Variants in STK3 observed in about 807,000 individuals in gnomAD.
STK3 encodes serine/threonine-protein kinase 3.
In STK3, 41 loss-of-function variants were observed where a neutral mutation model predicts 58.0. That is an observed-to-expected ratio of 0.71 (90% CI 0.55 to 0.92). STK3 has a LOEUF of 0.92. Among genes scored for constraint, STK3 ranks in the 40% least tolerant of loss-of-function variants. The probability of loss-of-function intolerance (pLI) is 0.00; values close to 1 mark genes in which losing one functional copy is unlikely to be tolerated. For synonymous variants in STK3, 170 were observed against 191.0 expected, an observed-to-expected ratio of 0.89 and a Z score of 0.91; for missense variants, 479 against 602.7, an observed-to-expected ratio of 0.79 and a Z score of 2.15.
intron 6 of STK3, among the ~76,000 whole-genome samples, chr8:98,630,661 A>AAGGAGAAGG (rs1180621568): frequency 1.3e-4 from 20 of 148,892 alleles, no homozygotes; most frequent in African/African-American, 2.7e-4. Flanking sequence ...GGAGAAGGAG[A>AAGGAGAAGG]AGGAGAAGGA....
intron 6 of STK3, among the ~76,000 whole-genome samples, chr8:98,671,489 T>C (rs1293269235): frequency 6.6e-6 from 1 of 152,200 alleles, no homozygotes; most frequent in East Asian, 1.9e-4. Flanking sequence ...TTATATTATA[T>C]GAAAACAAAA....
chr8:98,542,728 T>C (rs16897069), intron 9 of STK3, among the ~76,000 whole-genome samples: 5,538 of 152,292 alleles, frequency 0.036, 110 homozygotes, highest in South Asian at 0.061. Context: ...CAGATGAATA[T>C]TATCCTTTAT....
intron 10 of STK3, among the ~76,000 whole-genome samples, chr8:98,475,987 A>G (rs577163927): frequency 1.3e-5 from 2 of 152,308 alleles, no homozygotes; most frequent in Admixed American, 6.5e-5. Flanking sequence ...TTTAAAGCAA[A>G]CTATTTAGGA....
chr8:98,795,218 C>A (rs1587643876), intron 1 of STK3, among the ~76,000 whole-genome samples: 1 of 143,856 alleles, frequency 7.0e-6, no homozygotes, highest in Non-Finnish European at 1.5e-5. Context: ...AAGGTTGGTT[C>A]AACATATGCA....
At chr8:98,375,378 T>C (rs1817663852) in intron 2 of STK3, among the ~76,000 whole-genome samples, 1 of 152,184 alleles carries the variant, frequency 6.6e-6, no homozygotes, top group Non-Finnish European at 1.5e-5. Flanking sequence ...ACTCTCTGTC[T>C]TCAGAGATGG....
chr8:98,870,515 A>G (rs1219984693), intron 3 of STK3, among the ~76,000 whole-genome samples: 2 of 152,074 alleles, frequency 1.3e-5, no homozygotes, highest in African/African-American at 4.8e-5. Context: ...TTGTTTCCTG[A>G]CTTTTCAATG....
chr8:98,373,738 C>T (rs929132108), intron 2 of STK3, among the ~76,000 whole-genome samples: 1 of 152,140 alleles, frequency 6.6e-6, no homozygotes, highest in East Asian at 1.9e-4. Flanking sequence ...TCTTTTCTTT[C>T]CTTTTTTTTG....
intron 10 of STK3, among the ~76,000 whole-genome samples, chr8:98,521,388 G>A (rs952533631): frequency 1.3e-5 from 2 of 151,644 alleles, no homozygotes; most frequent in East Asian, 1.9e-4. Flanking sequence ...CTTCAATCTA[G>A]TATTTCAGCT....
intron 3 of STK3, among the ~76,000 whole-genome samples, chr8:98,840,629 ACACACACATACGTTTTATATATATT>A (rs1835946066): frequency 8.5e-6 from 1 of 117,946 alleles, no homozygotes; most frequent in Non-Finnish European, 1.8e-5. Context: ...ATATATATAT[ACACACACATACGTTTTATATATATT>A]TATATACACA....
At chr8:98,679,926 T>C (rs1368393751) in intron 6 of STK3, among the ~76,000 whole-genome samples, 4 of 152,224 alleles carry the variant, frequency 2.6e-5, no homozygotes, top group East Asian at 1.9e-4. Flanking sequence ...TCAAAATTTA[T>C]GAATAAAATT....
rs1563599710 is a variant in STK3, at chr8:98,428,282, C to T, written n.483+5845G>A. On this transcript the variant is annotated intron_variant and non_coding_transcript_variant, in intron 3 of 3. Coordinates refer to the STK3 transcript ENST00000517832. This position sits in a 1 kb window ranked among gnomAD's most constrained non-coding sequence, Gnocchi z 6.7. ...TGGCTGAGCTATGTGTCTTCTCCTTCAGCCAGGAGATCGAGTACTGGGGCA... is the reference window on the plus strand; with the variant it reads ...TGGCTGAGCTATGTGTCTTCTCCTTTAGCCAGGAGATCGAGTACTGGGGCA... 6.2e-7 allele frequency: 1 copy of T among 1,614,134 alleles called. No individual in the cohort carries two copies. Among genetic ancestry groups the T allele is most frequent in the Non-Finnish European group, 8.5e-7 (1 of 1,180,032 alleles).
chr8:98,614,707 TG>T (rs1045932238), intron 6 of STK3, among the ~76,000 whole-genome samples: 1 of 152,164 alleles, frequency 6.6e-6, no homozygotes, highest in Non-Finnish European at 1.5e-5. Context: ...TGGATGCACC[TG>T]GAAAATCGGG....
At chr8:98,601,736 C>T (rs192429513) in intron 6 of STK3, 1 of 152,156 alleles carries the variant, frequency 6.6e-6, no homozygotes, top group Non-Finnish European at 1.5e-5. Context: ...ATGAGTGAGT[C>T]AGTGAAGCAC....
intron 1 of STK3, among the ~76,000 whole-genome samples, chr8:98,914,652 T>C (rs1839278271): frequency 6.6e-6 from 1 of 152,148 alleles, no homozygotes; most frequent in Non-Finnish European, 1.5e-5. Context: ...TGTCCTCATC[T>C]CTCTTTAAGC....
chr8:98,410,948 T>C (rs186780673), intron 3 of STK3, among the ~76,000 whole-genome samples: 13 of 152,360 alleles, frequency 8.5e-5, no homozygotes, highest in Admixed American at 7.8e-4. Flanking sequence ...CAGTGTATTC[T>C]TGACAACAAC....
rs1828779314 is a variant in STK3 at position 98,738,146 on chromosome 8, C to G, written c.351+11130G>C. On this transcript the variant is annotated intron_variant, in intron 4 of 10. Transcript: ENST00000419617. Reference sequence around the variant, plus strand: ...GTTAAATGTAATTCCAATCACAAACCCAGCAAGACTTTTTGTGGAGCTTGA... The same window carrying G: ...GTTAAATGTAATTCCAATCACAAACGCAGCAAGACTTTTTGTGGAGCTTGA... 2.0e-5 allele frequency among the ~76,000 whole-genome samples: 3 copies of G among 152,058 alleles called. No homozygotes were observed. In the South Asian group the frequency reaches 6.2e-4, roughly 32 times the overall value.
intron 10 of STK3, among the ~76,000 whole-genome samples, chr8:98,512,852 G>A (rs1302873173): frequency 2.6e-5 from 4 of 152,078 alleles, no homozygotes; most frequent in Non-Finnish European, 5.9e-5. Context: ...CAGATCAGTG[G>A]TGTCTGGTCA....
intron 6 of STK3, among the ~76,000 whole-genome samples, chr8:98,674,967 G>A (rs149652500): frequency 1.4e-4 from 21 of 151,666 alleles, no homozygotes; most frequent in Non-Finnish European, 2.9e-4. Context: ...TTTTAATATG[G>A]AATTAAATTA....
chr8:98,741,599 T>G (rs1227048706), intron 4 of STK3, among the ~76,000 whole-genome samples: 6 of 152,258 alleles, frequency 3.9e-5, no homozygotes, highest in African/African-American at 1.4e-4. Context: ...CAAAGCAGTG[T>G]GTAGAGGGAA....
Sources: allele counts gnomAD v4.1 joint callset (sites outside exome capture counted in the v4.1 genomes callset), GRCh38; gene constraint gnomAD v4.1.1; non-coding constraint Gnocchi (gnomAD v3.1); transcripts MANE v1.5; gene names NCBI Gene and HGNC (gene_info 2026-07-23, HGNC 2026-07-21).